The following FREM1 variants were observed in gnomAD, a reference collection of about 807,000 sequenced individuals.
FREM1 encodes FRAS1-related extracellular matrix protein 1.
A neutral mutation model predicts 210.1 loss-of-function variants in FREM1; 220 were observed. The ratio of observed to expected loss-of-function variants is 1.05; its 90% CI spans 0.94 to 1.17. FREM1 has a LOEUF of 1.17. Ranked by LOEUF, FREM1 falls within the 50% of genes most tolerant of loss-of-function variation. FREM1 has a pLI of 0.00. For missense variants in FREM1, 3,454 were observed against 2,675.5 expected (o/e 1.29, Z -6.42); for synonymous variants, 1,189 against 980.2 (o/e 1.21, Z -3.98).
chr9:14,899,119 T>C (rs996195212), intron 1 of FREM1, among the ~76,000 whole-genome samples: 1 of 152,104 alleles, frequency 6.6e-6, no homozygotes, highest in African/African-American at 2.4e-5. Context: ...ACAAGGCAAA[T>C]CACAGAGAGT....
At position 14,776,075 on chromosome 9, in the gene FREM1, A is replaced by T; in HGVS notation, c.4571T>A (p.Leu1524Gln). Residue 1524 changes from leucine to glutamine, a missense_variant, in exon 25 of 37, where the codon CTG (leucine) becomes CAG (glutamine). Coordinates refer to ENST00000380880, the MANE Select transcript of FREM1 (RefSeq NM_001379081.2). ...CAGCTGAAGGAGGTCAGGGGAAAGC[A>T]GGCCCACGGCCCCTTGGGCCAGTCT... ...GLRLAQGAVG[L>Q]LSPDLLQLTD... 1 of 1,613,516 alleles carries T rather than the reference A, an allele frequency of 6.2e-7. No homozygotes were observed.
At chr9:14,768,439 A>G (rs2132448574) in intron 27 of FREM1, among the ~76,000 whole-genome samples, 1 of 151,982 alleles carries the variant, frequency 6.6e-6, no homozygotes, top group South Asian at 2.1e-4. Context: ...TTAGGCAAAG[A>G]CAGTTTAATG....
At chr9:14,860,750 C>T (rs533306557) in intron 3 of FREM1, among the ~76,000 whole-genome samples, 2 of 108,066 alleles carry the variant, frequency 1.9e-5, no homozygotes, top group East Asian at 6.3e-4. Flanking sequence ...CATATATATG[C>T]ACATATATAT....
At chr9:14,811,549 G>C (rs1283804884) in intron 16 of FREM1, among the ~76,000 whole-genome samples, 1 of 152,066 alleles carries the variant, frequency 6.6e-6, no homozygotes, top group Non-Finnish European at 1.5e-5. Context: ...CGCTCCTCAG[G>C]ACAAGGTAAT....
intron 1 of FREM1, among the ~76,000 whole-genome samples, chr9:14,880,601 CAA>C (rs35625770): frequency 0.029 from 2,202 of 75,570 alleles, 43 homozygotes; most frequent in African/African-American, 0.082. Flanking sequence ...GAGACTGTCT[CAA>C]AAAAAAAAAA....
intron 29 of FREM1, among the ~76,000 whole-genome samples, chr9:14,753,579 TCTCAAA>T (rs1407681261): frequency 6.6e-6 from 1 of 152,212 alleles, no homozygotes; most frequent in Admixed American, 6.5e-5. Context: ...ACGTAAGAGT[TCTCAAA>T]CCTTACGGCA....
intron 34 of FREM1, among the ~76,000 whole-genome samples, 179 bp downstream of exon 34, chr9:14,746,744 A>G (rs73413724): frequency 0.013 from 1,949 of 152,334 alleles, 42 homozygotes; most frequent in African/African-American, 0.045. Context: ...TTTAACTAAC[A>G]TATTTTGTGA....
At chr9:14,801,530 T>G in intron 20 of FREM1, 122 bp downstream of exon 20, 2 of 703,286 alleles carry the variant, frequency 2.8e-6, no homozygotes, top group Non-Finnish European at 2.4e-6. Context: ...ACCCTCAGCC[T>G]CTAGTAACCA....
At chr9:14,871,478 C>T (rs1832666895) in intron 1 of FREM1, among the ~76,000 whole-genome samples, 1 of 152,082 alleles carries the variant, frequency 6.6e-6, no homozygotes, top group African/African-American at 2.4e-5. Context: ...TGTTCATATC[C>T]TTCGCCCACT....
In FREM1 at chr9:14,780,078, C is replaced by T. The variant is rs1849408483; in HGVS notation, c.4443-3875G>A. On this transcript the variant is annotated intron_variant, in intron 24 of 36. Transcript: ENST00000380880. ...CAGATGGTCTTCCAAATACCCCCTC[C>T]CCTAAATCCTCCAAATACATTCTCA... Among the ~76,000 whole-genome samples, 3 of 152,148 alleles carry T rather than the reference C, an allele frequency of 2.0e-5. No individual in the cohort carries two copies. The South Asian group carries it at 6.2e-4, about 32-fold the overall frequency.
intron 1 of FREM1, among the ~76,000 whole-genome samples, chr9:14,901,220 T>A (rs926118068): frequency 6.6e-6 from 1 of 152,234 alleles, no homozygotes; most frequent in Admixed American, 6.5e-5. Flanking sequence ...AAAATCATTA[T>A]TGAGCACATT....
Position 14,737,218 on chromosome 9 carries a change from A to G in FREM1, c.*178T>C, listed in dbSNP as rs1840552155. ...ACAAAAATTGTATCTTATCTTGTAA[A>G]AAATATTTATTTATCAATCTTTCTG... On this transcript the variant is annotated 3_prime_UTR_variant, in exon 37 of 37. Transcript: ENST00000380880. 1 of 528,212 alleles carries G rather than the reference A, an allele frequency of 1.9e-6. No individual in the cohort carries two copies. The highest frequency in any genetic ancestry group is 3.3e-6 in the Non-Finnish European group (1 of 301,510). The allele number at this position is 528,212 out of a possible 1,614,324, so 32.7% of individuals were successfully genotyped here. A position where few individuals can be genotyped will look rare whatever the true frequency, so the allele number is the denominator to read the frequency against.
intron 25 of FREM1, among the ~76,000 whole-genome samples, chr9:14,773,521 C>T (rs1001579571): frequency 4.6e-5 from 7 of 151,926 alleles, no homozygotes; most frequent in African/African-American, 1.7e-4. Flanking sequence ...AGCCTCTTGA[C>T]TTCTCTGCTC....
At chr9:14,749,119 T>A (rs1044852239) in intron 30 of FREM1, among the ~76,000 whole-genome samples, 2 of 152,184 alleles carry the variant, frequency 1.3e-5, no homozygotes, top group Non-Finnish European at 2.9e-5. Context: ...AAAGACCCAG[T>A]AAATCTTAAT....
Position 14,825,547 on chromosome 9 carries a change from G to GTGTGTGTGTATATA in FREM1, c.1882-556_1882-555insTATATACACACACA. ...CATATATATATATATGTGTGTGTGT[G>GTGTGTGTGTATATA]TATATATATATATATATATATATAC... On this transcript the variant is annotated intron_variant, in intron 10 of 36. Coordinates refer to ENST00000380880, the MANE Select transcript of FREM1 (RefSeq NM_001379081.2). Among the ~76,000 whole-genome samples, 599 of 75,844 alleles carry GTGTGTGTGTATATA rather than the reference G, an allele frequency of 7.9e-3. 4 individuals carry two copies. Among genetic ancestry groups the GTGTGTGTGTATATA allele is most frequent in the African/African-American group, 0.025 (451 of 17,762 alleles). The allele number at this position is 75,844 out of a possible 152,430, so 49.8% of individuals were successfully genotyped here.
chr9:14,795,556 G>C (rs1353453790), intron 21 of FREM1, among the ~76,000 whole-genome samples: 1 of 152,204 alleles, frequency 6.6e-6, no homozygotes, highest in Non-Finnish European at 1.5e-5. Context: ...ATCCACAGGA[G>C]AGAAGGAAAG....
intron 29 of FREM1, among the ~76,000 whole-genome samples, chr9:14,753,250 T>C (rs1563836395): frequency 6.6e-6 from 1 of 152,244 alleles, no homozygotes; most frequent in Non-Finnish European, 1.5e-5. Context: ...GGTGAGTTCC[T>C]GGATGTTTTC....
intron 10 of FREM1, among the ~76,000 whole-genome samples, chr9:14,832,475 C>A (rs561748524): frequency 3.9e-5 from 6 of 152,154 alleles, no homozygotes; most frequent in Non-Finnish European, 8.8e-5. Flanking sequence ...ATAGGGAAGG[C>A]AAAGAAACAG....
rs1200499903 is a variant in FREM1, at chr9:14,769,810, G to A, written c.5118C>T (p.Tyr1706=). The A allele has an allele frequency of 1.2e-6, 2 of 1,607,888 alleles. No homozygotes were observed. The highest frequency in any genetic ancestry group is 1.1e-5 in the South Asian group (1 of 90,654). The change falls in exon 27 of 37, where the codon TAC becomes TAT. Residue 1706 remains tyrosine, a synonymous_variant. Coordinates refer to ENST00000380880, the MANE Select transcript of FREM1 (RefSeq NM_001379081.2). ...TTACTTCCAAAGATGGGTTTATGAT[G>A]TAAAGAATAGTCTTACTGTTTAAGT... ...QKDLNSKTIL[Y]IINPSLEVNS... is the part of the protein sequence containing the mutation.
Sources: allele counts gnomAD v4.1 joint callset (sites outside exome capture counted in the v4.1 genomes callset), GRCh38; gene constraint gnomAD v4.1.1; transcripts MANE v1.5; gene names NCBI Gene and HGNC (gene_info 2026-07-23, HGNC 2026-07-21).